Variants in ZPLD1 observed in about 807,000 individuals in gnomAD.
ZPLD1 encodes zona pellucida like domain containing 1.
A neutral mutation model predicts 47.2 loss-of-function variants in ZPLD1; 34 were observed. That is an observed-to-expected ratio of 0.72 (90% CI 0.55 to 0.96). ZPLD1 has a LOEUF of 0.96. Among genes scored for constraint, ZPLD1 ranks in the 40% least tolerant of loss-of-function variants. The pLI, the probability that ZPLD1 is intolerant of heterozygous loss-of-function variation, is 0.00. For synonymous variants in ZPLD1, 176 were observed against 186.2 expected (o/e 0.95, Z 0.45); for missense variants, 512 against 505.8 (o/e 1.01, Z -0.12).
intron 8 of ZPLD1, among the ~76,000 whole-genome samples, chr3:102,426,422 G>A (rs1383295582): frequency 6.6e-6 from 1 of 151,738 alleles, no homozygotes; most frequent in African/African-American, 2.4e-5. Context: ...ACAGGCTGAG[G>A]CAGGAGAATC....
At chr3:102,473,236 C>CA (rs200905466) in intron 10 of ZPLD1, among the ~76,000 whole-genome samples, 4 of 151,708 alleles carry the variant, frequency 2.6e-5, no homozygotes, top group Admixed American at 6.6e-5. Context: ...TTTAAATATA[C>CA]AAAAAAAATT....
rs773840668 is a variant in ZPLD1, at chr3:102,457,872, G to T, written c.582+19G>T. The T allele has an allele frequency of 4.5e-5, 73 of 1,612,432 alleles. No individual in the cohort carries two copies. The South Asian group carries it at 5.9e-4, about 13-fold the overall frequency. ...TTATAACGTAAGTTGATGGGTGAAG[G>T]ATGTTATTTTCTCTTTCACTGTTGT... On this transcript the variant is annotated intron_variant, in intron 6 of 11. Transcript: ENST00000466937.
chr3:102,400,340 A>C (rs1221505319), intron 7 of ZPLD1, among the ~76,000 whole-genome samples: 2 of 152,040 alleles, frequency 1.3e-5, no homozygotes, highest in African/African-American at 4.8e-5. Context: ...AGTCTCTCAC[A>C]TTTCCTGTCG....
At position 102,459,833 on chromosome 3, in the gene ZPLD1, A is replaced by G. The variant is rs1707478994; in HGVS notation, c.582+1980A>G. On this transcript the variant is annotated intron_variant, in intron 6 of 11. Transcript: ENST00000466937. ...AACATTTGTTACAATTAATAAACCAATATTGATACATTATTAACCAAAGTC... is the reference window on the plus strand; with the variant it reads ...AACATTTGTTACAATTAATAAACCAGTATTGATACATTATTAACCAAAGTC... 2.6e-5 allele frequency among the ~76,000 whole-genome samples: 4 copies of G among 152,138 alleles called. No individual in the cohort carries two copies. The South Asian group carries it at 6.2e-4, about 24-fold the overall frequency.
chr3:102,470,529 A>G (rs773930663), intron 10 of ZPLD1, 27 bp downstream of exon 10: 4 of 1,587,432 alleles, frequency 2.5e-6, no homozygotes, highest in South Asian at 1.1e-5. Flanking sequence ...TTCTGTATGT[A>G]GTAATAGACG....
At chr3:102,451,137 A>G (rs1048824519) in intron 3 of ZPLD1, among the ~76,000 whole-genome samples, 1 of 152,174 alleles carries the variant, frequency 6.6e-6, no homozygotes, top group African/African-American at 2.4e-5. Flanking sequence ...ACATTTCCAT[A>G]TTGCTTATTC....
At chr3:102,396,497 A>T (rs978042709) in intron 7 of ZPLD1, among the ~76,000 whole-genome samples, 2 of 152,166 alleles carry the variant, frequency 1.3e-5, no homozygotes, top group East Asian at 3.9e-4. Context: ...TGAAAAGATT[A>T]TTTGGTATTG....
At chr3:102,465,887 A>G (rs1707583858) in intron 8 of ZPLD1, among the ~76,000 whole-genome samples, 1 of 151,906 alleles carries the variant, frequency 6.6e-6, no homozygotes, top group Non-Finnish European at 1.5e-5. Context: ...AAGGAAGGCA[A>G]GGAAGAAAAG....
intron 8 of ZPLD1, among the ~76,000 whole-genome samples, chr3:102,468,571 G>A (rs1458502055): frequency 1.3e-5 from 2 of 152,006 alleles, no homozygotes; most frequent in African/African-American, 4.8e-5. Flanking sequence ...TAAGGAGGGA[G>A]GACAATAAGA....
At chr3:102,434,209 A>G (rs1707053237), upstream of ZPLD1, among the ~76,000 whole-genome samples, 1 of 152,220 alleles carries the variant, frequency 6.6e-6, no homozygotes, top group African/African-American at 2.4e-5. Context: ...TGCCTGGTAC[A>G]TACAGTAACA....
At chr3:102,446,232 A>C (rs775683906) in intron 3 of ZPLD1, among the ~76,000 whole-genome samples, 2 of 152,220 alleles carry the variant, frequency 1.3e-5, no homozygotes, top group Non-Finnish European at 2.9e-5. Flanking sequence ...CTCCGATATA[A>C]TGTAAGTGAG....
chr3:102,441,443 C>A (rs1248123738), intron 3 of ZPLD1, among the ~76,000 whole-genome samples: 2 of 152,014 alleles, frequency 1.3e-5, no homozygotes, highest in Non-Finnish European at 2.9e-5. Flanking sequence ...GTATCTTAAA[C>A]CCTGCAGATG....
intron 8 of ZPLD1, among the ~76,000 whole-genome samples, chr3:102,422,887 G>A (rs1365406567): frequency 6.6e-6 from 1 of 151,936 alleles, no homozygotes; most frequent in Non-Finnish European, 1.5e-5. Flanking sequence ...ATTAACAAAG[G>A]GTTTCAAGCA....
chr3:102,422,060 T>C (rs553050265), intron 8 of ZPLD1, among the ~76,000 whole-genome samples: 8 of 152,166 alleles, frequency 5.3e-5, no homozygotes, highest in African/African-American at 1.4e-4. Context: ...AAGCATTATC[T>C]TGAGGACTAA....
rs73148415 is a variant in ZPLD1, at chr3:102,452,541, A to G, written c.107-378A>G. On this transcript the variant is annotated intron_variant, in intron 3 of 11. Transcript: ENST00000466937. ...TGCATCATTTGTAGTGATTTTCACT[A>G]CTCTTGACAGGTGATCTGAATAATC... Among the ~76,000 whole-genome samples, 660 of 152,108 alleles carry G rather than the reference A, an allele frequency of 4.3e-3. 3 individuals are homozygous for G. Among genetic ancestry groups the G allele is most frequent in the Non-Finnish European group, 7.3e-3 (493 of 67,988 alleles).
At chr3:102,451,961 T>G (rs563317736) in intron 3 of ZPLD1, among the ~76,000 whole-genome samples, 2 of 152,222 alleles carry the variant, frequency 1.3e-5, no homozygotes, top group East Asian at 1.9e-4. Context: ...TATCTTTTTT[T>G]GGGGGGACAT....
chr3:102,443,246 CAT>C (rs1216450138), intron 3 of ZPLD1, among the ~76,000 whole-genome samples: 1 of 152,112 alleles, frequency 6.6e-6, no homozygotes, highest in Admixed American at 6.6e-5. Flanking sequence ...TGTTTCATAA[CAT>C]GTGATTTCGT....
intron 7 of ZPLD1, among the ~76,000 whole-genome samples, chr3:102,415,883 A>G (rs537131781): frequency 2.6e-5 from 4 of 151,892 alleles, no homozygotes; most frequent in East Asian, 1.9e-4. Context: ...TCTAAATTCA[A>G]CCTTCTTTAG....
chr3:102,438,901 A>G (rs1270637249), intron 3 of ZPLD1, among the ~76,000 whole-genome samples: 2 of 151,600 alleles, frequency 1.3e-5, no homozygotes, highest in Non-Finnish European at 2.9e-5. Flanking sequence ...TCATAAATTA[A>G]TTTAGACTTT....
Sources: gnomAD v4.1 joint callset for allele counts (sites outside exome capture counted in the v4.1 genomes callset) on GRCh38, gnomAD v4.1.1 for gene constraint, MANE v1.5 for transcripts, NCBI Gene and HGNC (gene_info 2026-07-23, HGNC 2026-07-21) for gene names.